PLEKHA5: variants seen among roughly 807,000 people sequenced by gnomAD.
The protein encoded by PLEKHA5 is pleckstrin homology domain-containing family A member 5.
A neutral mutation model predicts 181.9 loss-of-function variants in PLEKHA5; 55 were observed. That is an observed-to-expected ratio of 0.30 (90% CI 0.24 to 0.38). The LOEUF (loss-of-function observed/expected upper bound fraction) is 0.38. PLEKHA5 is among the 10% of genes least tolerant of loss of function. PLEKHA5 has a pLI of 1.00. For missense variants in PLEKHA5, 1,432 were observed against 1,549.5 expected (o/e 0.92, Z 1.27); for synonymous variants, 535 against 529.4 (o/e 1.01, Z -0.15).
chr12:19,306,969 TACTC>T (rs1417059220), intron 15 of PLEKHA5: 2 of 1,343,990 alleles, frequency 1.5e-6, no homozygotes, highest in Non-Finnish European at 2.1e-6. Context: ...CTAACCCACT[TACTC>T]AGACTGGCGC....
intron 3 of PLEKHA5, among the ~76,000 whole-genome samples, chr12:19,208,988 G>A (rs1351575999): frequency 6.6e-6 from 1 of 152,004 alleles, no homozygotes; most frequent in Non-Finnish European, 1.5e-5. Context: ...AAATATGAGG[G>A]GACTTCAAAA....
intron 3 of PLEKHA5, among the ~76,000 whole-genome samples, chr12:19,148,096 G>C (rs145006034): frequency 6.7e-6 from 1 of 150,352 alleles, no homozygotes; most frequent in Non-Finnish European, 1.5e-5. Flanking sequence ...TCGTTCTGTT[G>C]CCCGGGCTGG....
chr12:19,374,546 C>G (rs931109440), intron 31 of PLEKHA5, among the ~76,000 whole-genome samples: 1 of 151,972 alleles, frequency 6.6e-6, no homozygotes, highest in African/African-American at 2.4e-5. Context: ...GTAGTCTCAG[C>G]TACTCTAGAG....
At chr12:19,341,065 G>C (rs371536973) in intron 21 of PLEKHA5, among the ~76,000 whole-genome samples, 20 of 152,128 alleles carry the variant, frequency 1.3e-4, no homozygotes, top group East Asian at 7.7e-4. Context: ...TGAGGGTCAG[G>C]AGTTCAAGAC....
rs747470232 is a variant in PLEKHA5, at chr12:19,336,527, G to C, written c.2461G>C (p.Ala821Pro). Residue 821 changes from alanine to proline, a missense_variant, in exon 21 of 32, where the codon GCA (alanine) becomes CCA (proline). Ala to Pro is a conservative substitution (Grantham distance 27, BLOSUM62 -1). This residue lies in a region of PLEKHA5 where 1,143 missense variants were observed against 1,168.4 expected (regional missense o/e 0.98). Coordinates refer to ENST00000429027, the MANE Select transcript of PLEKHA5 (RefSeq NM_001256470.2). ...TTTTTGGTTTTAGGAATTGGAACGA[G>C]CATGGAGAGAATATGATAAGTTAGA... ...LSRATAELER[A>P]WREYDKLEYD... is the part of the protein sequence containing the mutation. 1.3e-6 allele frequency: 2 copies of C among 1,597,160 alleles called. No individual in the cohort carries two copies. Among genetic ancestry groups the C allele is most frequent in the African/African-American group, 2.7e-5 (2 of 74,588 alleles).
At chr12:19,157,283 T>C (rs1258619568) in intron 3 of PLEKHA5, among the ~76,000 whole-genome samples, 1 of 152,180 alleles carries the variant, frequency 6.6e-6, no homozygotes, top group Admixed American at 6.5e-5. Context: ...ACAAATACTT[T>C]ATGTCAGATA....
At chr12:19,347,231 A>T in intron 24 of PLEKHA5, 49 bp downstream of exon 24, 1 of 1,055,200 alleles carries the variant, frequency 9.5e-7, no homozygotes, top group South Asian at 2.0e-5. Flanking sequence ...ATGTCCTCTC[A>T]TTTTTGAAAA....
At chr12:19,173,248 C>T (rs1460685236) in intron 3 of PLEKHA5, among the ~76,000 whole-genome samples, 3 of 151,036 alleles carry the variant, frequency 2.0e-5, no homozygotes, top group Non-Finnish European at 3.0e-5. Flanking sequence ...TGGTCTCGAT[C>T]TCCTGACCTC....
intron 3 of PLEKHA5, among the ~76,000 whole-genome samples, chr12:19,177,018 C>T (rs935037868): frequency 6.6e-6 from 1 of 152,006 alleles, no homozygotes; most frequent in African/African-American, 2.4e-5. Flanking sequence ...CAGGCACGCA[C>T]CACCACACCC....
intron 3 of PLEKHA5, chr12:19,151,470 A>AGACG (rs1047796345): frequency 2.0e-5 from 3 of 151,636 alleles, no homozygotes; most frequent in African/African-American, 7.3e-5. Context: ...TGGGACTTAC[A>AGACG]GAGGCCGTGA....
chr12:19,147,436 T>TA (rs2039195313), intron 3 of PLEKHA5, among the ~76,000 whole-genome samples: 1 of 152,036 alleles, frequency 6.6e-6, no homozygotes, highest in African/African-American at 2.4e-5. Context: ...CAAGGTGTTG[T>TA]AACGTTAGGG....
intron 25 of PLEKHA5, among the ~76,000 whole-genome samples, chr12:19,351,397 A>G (rs1339962270): frequency 2.0e-5 from 3 of 152,142 alleles, no homozygotes; most frequent in Non-Finnish European, 4.4e-5. Context: ...AAATGTATTT[A>G]GCTTTTTTTT....
chr12:19,332,203 G>A (rs1003671561), intron 20 of PLEKHA5, among the ~76,000 whole-genome samples: 25 of 152,106 alleles, frequency 1.6e-4, no homozygotes, highest in African/African-American at 5.8e-4. Flanking sequence ...GAGCCCAGGA[G>A]TTCAAGGCTG....
intron 15 of PLEKHA5, among the ~76,000 whole-genome samples, chr12:19,311,557 A>G (rs1002249493): frequency 2.2e-4 from 34 of 152,210 alleles, no homozygotes; most frequent in African/African-American, 8.0e-4. Context: ...CAATGTTCAC[A>G]GTACCTTCAC....
At chr12:19,239,362 G>T (rs2062023634) in intron 3 of PLEKHA5, among the ~76,000 whole-genome samples, 1 of 152,056 alleles carries the variant, frequency 6.6e-6, no homozygotes, top group Non-Finnish European at 1.5e-5. Flanking sequence ...CATGTCTCCA[G>T]TTATTGCCCA....
intron 13 of PLEKHA5, 128 bp from the exon 14 acceptor site, chr12:19,290,549 C>T (rs2152841626): frequency 5.8e-6 from 4 of 689,220 alleles, no homozygotes; most frequent in Non-Finnish European, 7.1e-6. Context: ...CATCATAGTG[C>T]CTAGGCACTA....
intron 3 of PLEKHA5, among the ~76,000 whole-genome samples, chr12:19,207,972 A>G (rs2055985993): frequency 6.6e-6 from 1 of 152,164 alleles, no homozygotes; most frequent in Non-Finnish European, 1.5e-5. Context: ...TGACTACTAC[A>G]TGAAATATTT....
chr12:19,305,284 G>A (rs140063796), intron 15 of PLEKHA5, among the ~76,000 whole-genome samples: 4 of 152,168 alleles, frequency 2.6e-5, no homozygotes, highest in Admixed American at 6.5e-5. Context: ...TTCAATAGGT[G>A]GGGTGCAGTG....
chr12:19,224,548 A>G (rs972915557), intron 3 of PLEKHA5, among the ~76,000 whole-genome samples: 2 of 152,192 alleles, frequency 1.3e-5, no homozygotes, highest in East Asian at 3.9e-4. Flanking sequence ...ATAGGGCCAT[A>G]TGAAAAATTT....
Sources: allele counts gnomAD v4.1 joint callset (sites outside exome capture counted in the v4.1 genomes callset), GRCh38; gene constraint gnomAD v4.1.1; regional missense constraint gnomAD v4.1.1; transcripts MANE v1.5; gene names NCBI Gene and HGNC (gene_info 2026-07-23, HGNC 2026-07-21).